Variants in SIRT2 observed in about 807,000 individuals in gnomAD.
SIRT2 encodes sirtuin 2, also known as NAD-dependent protein deacetylase sirtuin-2.
In SIRT2, 40 loss-of-function variants were observed where a neutral mutation model predicts 57.4. That is an observed-to-expected ratio of 0.70 (90% CI 0.54 to 0.91). SIRT2 has a LOEUF of 0.91. Among genes scored for constraint, SIRT2 ranks in the 40% least tolerant of loss-of-function variants. The probability of loss-of-function intolerance (pLI) is 0.00; values close to 1 mark genes in which losing one functional copy is unlikely to be tolerated. For synonymous variants in SIRT2, 161 were observed against 195.7 expected (o/e 0.82, Z 1.48); for missense variants, 439 against 510.4 (o/e 0.86, Z 1.35).
intron 2 of SIRT2, among the ~76,000 whole-genome samples, chr19:38,895,746 G>A (rs1973695136): frequency 6.6e-6 from 1 of 152,064 alleles, no homozygotes; most frequent in African/African-American, 2.4e-5. Flanking sequence ...AGACCAGCCT[G>A]GGCAACACAG....
chr19:38,880,794 T>TC lies in SIRT2; in HGVS notation c.824+26dup. The TC allele has an allele frequency of 6.2e-7, 1 of 1,612,404 alleles. No individual in the cohort carries two copies. On this transcript the variant is annotated intron_variant, in intron 12 of 15. Transcript: ENST00000249396. This position sits in a 1 kb window ranked among gnomAD's most constrained non-coding sequence, Gnocchi z 4.1. ...TGTCCTGGCCCTGGGTGCCCAGCCGTCCTCCCAGCCACAGCCCCCAACCTA... is the reference window on the plus strand; with the variant it reads ...TGTCCTGGCCCTGGGTGCCCAGCCGTCCCTCCCAGCCACAGCCCCCAACCTA...
At position 38,883,741 on chromosome 19, in the gene SIRT2, C is replaced by G; in HGVS notation, c.517G>C (p.Glu173Gln). ...RCYTQNIDTL[E>Q]RIAGLEQEDL... ...TCCTGTTCCAGCCCGGCTATTCGCT[C>G]CAGGGTATCTATGTTCTAGAGGGAG... Residue 173 changes from glutamate to glutamine, a missense_variant, in exon 9 of 16, where the codon GAG becomes CAG. Physicochemically the swap from Glu to Gln is conservative, Grantham distance 29. Transcript: ENST00000249396. 6.2e-7 allele frequency: 1 copy of G among 1,614,012 alleles called. No individual in the cohort carries two copies. The highest frequency in any genetic ancestry group is 8.5e-7 in the Non-Finnish European group (1 of 1,179,938).
At chr19:38,893,953 G>C (rs764650317) in intron 2 of SIRT2, 86 bp from the exon 3 acceptor site, 2 of 1,594,176 alleles carry the variant, frequency 1.3e-6, no homozygotes, top group Admixed American at 3.4e-5. Context: ...TGGGGAAAAG[G>C]CTGTGGCAGG....
intron 8 of SIRT2, among the ~76,000 whole-genome samples, chr19:38,888,334 A>G (rs1973408078): frequency 6.6e-6 from 1 of 152,092 alleles, no homozygotes; most frequent in South Asian, 2.1e-4. Flanking sequence ...CACCCTGCCC[A>G]GCTAATTTTT....
intron 14 of SIRT2, 61 bp from the exon 15 acceptor site, chr19:38,879,561 C>T: frequency 1.3e-6 from 2 of 1,558,298 alleles, no homozygotes; most frequent in South Asian, 1.2e-5. Context: ...CTCCTCTCAT[C>T]TGCCTTCGTG....
intron 8 of SIRT2, among the ~76,000 whole-genome samples, chr19:38,887,565 G>GA (rs1973382173): frequency 6.6e-6 from 1 of 152,000 alleles, no homozygotes; most frequent in Admixed American, 6.6e-5. Flanking sequence ...TTGGAAGAAG[G>GA]AGGCCTCCGC....
rs200811137 is a variant in SIRT2, at chr19:38,879,277, C to T, written c.1048G>A (p.Ala350Thr). The T allele has an allele frequency of 5.7e-5, 92 of 1,613,002 alleles. 3 individuals carry two copies. The South Asian group carries it at 8.9e-4, about 16-fold the overall frequency. ...GCCCCCGACTGGGCATCTATGCTGGCGTGCTCCCTCCGGACAAGGTCCTCC... is the reference window on the plus strand; with the variant it reads ...GCCCCCGACTGGGCATCTATGCTGGTGTGCTCCCTCCGGACAAGGTCCTCC... ...ELEDLVRREH[A>T]SIDAQSGAGV... The change falls in exon 16 of 16, where the codon GCC (alanine) becomes ACC (threonine). Residue 350 changes from alanine (A) to threonine (T), a missense_variant. Transcript: ENST00000249396.
chr19:38,886,031 C>A (rs1184333083), intron 8 of SIRT2, among the ~76,000 whole-genome samples: 1 of 152,168 alleles, frequency 6.6e-6, no homozygotes, highest in East Asian at 1.9e-4. Flanking sequence ...AGGAATGCCG[C>A]TAAAACAGGT....
intron 3 of SIRT2, 89 bp from the exon 4 acceptor site, chr19:38,893,616 C>A: frequency 8.4e-7 from 1 of 1,191,936 alleles, no homozygotes; most frequent in Admixed American, 2.0e-5. Context: ...CCCTGGGGTT[C>A]CCGGCCTCCC....
chr19:38,889,079 C>T lies in SIRT2; in HGVS notation c.501+8G>A. ...CATCCTCCTCCCAGGATGCTCGCAT[C>T]CGCCTACCTGCGTGTAGCAGCGCAG... On this transcript the variant is annotated splice_region_variant and intron_variant, in intron 8 of 15. Coordinates refer to ENST00000249396, the MANE Select transcript of SIRT2 (RefSeq NM_012237.4). 6.2e-7 allele frequency: 1 copy of T among 1,611,182 alleles called. No individual in the cohort carries two copies. Among genetic ancestry groups the T allele is most frequent in the Non-Finnish European group, 8.5e-7 (1 of 1,179,854 alleles).
At chr19:38,897,198 A>C (rs1280807414) in intron 2 of SIRT2, among the ~76,000 whole-genome samples, 1 of 152,214 alleles carries the variant, frequency 6.6e-6, no homozygotes, top group African/African-American at 2.4e-5. Context: ...TTGGCACTAA[A>C]CAGTGGGCCC....
intron 2 of SIRT2, among the ~76,000 whole-genome samples, chr19:38,898,099 T>A (rs1217763569): frequency 6.6e-6 from 1 of 152,210 alleles, no homozygotes; most frequent in Non-Finnish European, 1.5e-5. Flanking sequence ...GATACCTGTC[T>A]CTTCCAGTCC....
chr19:38,893,387 G>T, intron 4 of SIRT2, 27 bp downstream of exon 4: 1 of 1,451,074 alleles, frequency 6.9e-7, no homozygotes, highest in Non-Finnish European at 9.7e-7. Context: ...GCCAGGCAAA[G>T]TGGCCCAATC....
chr19:38,879,959 TG>T (rs1339238720), intron 13 of SIRT2: 14 of 493,662 alleles, frequency 2.8e-5, no homozygotes, highest in Non-Finnish European at 4.7e-5. Flanking sequence ...CCGAGTAGCC[TG>T]GATGACAGGT....
chr19:38,890,560 C>T (rs763815688), intron 4 of SIRT2: 3 of 204,896 alleles, frequency 1.5e-5, no homozygotes, highest in African/African-American at 2.3e-5. Flanking sequence ...CGTGGTGGCA[C>T]GTGCCTGTAA....
rs1600118127 is a variant in SIRT2 at position 38,889,085 on chromosome 19, A to C, written c.501+2T>G. The C allele has an allele frequency of 6.2e-7, 1 of 1,610,892 alleles. No homozygotes were observed. ...CCTCCCAGGATGCTCGCATCCGCCT[A>C]CCTGCGTGTAGCAGCGCAGGAGTAG... On this transcript the variant is annotated splice_donor_variant, in intron 8 of 15. Coordinates refer to ENST00000249396, the MANE Select transcript of SIRT2 (RefSeq NM_012237.4). LOFTEE classifies it high-confidence loss of function.
Position 38,881,487 on chromosome 19 carries a change from C to A in SIRT2, c.636G>T (p.Lys212Asn), listed in dbSNP as rs570453680. 4 of 1,613,790 alleles carry A rather than the reference C, an allele frequency of 2.5e-6. No individual in the cohort carries two copies. Among genetic ancestry groups the A allele is most frequent in the South Asian group, 1.1e-5 (1 of 91,052 alleles). ...HEYPLSWMKE[K>N]IFSEVTPKCE... ...ACTTGGGCGTCACCTCAGAGAAGAT[C>A]TTCTCTGGGTATGGGGAAGGGGAAG... The change falls in exon 10 of 16, where the codon AAG becomes AAT. Residue 212 changes from lysine (K) to asparagine (N), a missense_variant. Physicochemically the swap from Lys to Asn is moderately conservative, Grantham distance 94. Transcript: ENST00000249396.
At chr19:38,896,126 G>C (rs955883804) in intron 2 of SIRT2, among the ~76,000 whole-genome samples, 4 of 152,060 alleles carry the variant, frequency 2.6e-5, no homozygotes, top group Non-Finnish European at 2.9e-5. Context: ...GAGAGACAGA[G>C]AGAAAGAGAG....
At chr19:38,893,768 T>A in intron 3 of SIRT2, 51 bp downstream of exon 3, 1 of 1,601,312 alleles carries the variant, frequency 6.2e-7, no homozygotes, top group Non-Finnish European at 8.5e-7. Context: ...TGCCCTGAAA[T>A]CCCCCCGCCC....
Sources: allele counts gnomAD v4.1 joint callset (sites outside exome capture counted in the v4.1 genomes callset), GRCh38; gene constraint gnomAD v4.1.1; non-coding constraint Gnocchi (gnomAD v3.1); transcripts MANE v1.5; gene names NCBI Gene and HGNC (gene_info 2026-07-23, HGNC 2026-07-21).